Variants in TSEN2 observed in about 807,000 individuals in gnomAD.
TSEN2 encodes the protein tRNA splicing endonuclease subunit 2.
Under a neutral mutation model 59.2 loss-of-function variants are expected in TSEN2, and 54 were observed. The observed-to-expected ratio is 0.91, with a 90% confidence interval of 0.73 to 1.14. The LOEUF (loss-of-function observed/expected upper bound fraction) is 1.14, where lower values mean the gene tolerates loss of function less well. Ranked by LOEUF, TSEN2 falls within the 50% of genes most tolerant of loss-of-function variation. The pLI, the probability that TSEN2 is intolerant of heterozygous loss-of-function variation, is 0.00. For synonymous variants in TSEN2, 195 were observed against 198.2 expected (o/e 0.98, Z 0.14); for missense variants, 636 against 576.2 (o/e 1.10, Z -1.06).
chr3:12,499,982 A>T (rs887082146), intron 4 of TSEN2, among the ~76,000 whole-genome samples: 2 of 152,210 alleles, frequency 1.3e-5, no homozygotes, highest in Non-Finnish European at 2.9e-5. Flanking sequence ...TGCCCTGTGC[A>T]AATGGGAGAG....
intron 8 of TSEN2, among the ~76,000 whole-genome samples, chr3:12,521,277 A>G (rs1245513189): frequency 6.6e-6 from 1 of 152,224 alleles, no homozygotes; most frequent in Non-Finnish European, 1.5e-5. Flanking sequence ...AACAGGACAA[A>G]CAGAGCTGCC....
downstream of TSEN2, among the ~76,000 whole-genome samples, chr3:12,536,961 G>A (rs576711306): frequency 2.1e-4 from 32 of 151,358 alleles, no homozygotes; most frequent in Admixed American, 2.6e-4. Flanking sequence ...CTGAGAGCAC[G>A]TCACTGCACT....
At chr3:12,522,032 T>A in intron 8 of TSEN2, among the ~76,000 whole-genome samples, 1 of 152,024 alleles carries the variant, frequency 6.6e-6, no homozygotes, top group East Asian at 1.9e-4. Flanking sequence ...AAAATAAAAA[T>A]AAAAAATAAA....
intron 6 of TSEN2, among the ~76,000 whole-genome samples, chr3:12,510,101 T>C (rs2055275926): frequency 6.6e-6 from 1 of 152,248 alleles, no homozygotes; most frequent in Non-Finnish European, 1.5e-5. Flanking sequence ...TGTGGTAGCA[T>C]GCATTCTTTT....
intron 6 of TSEN2, among the ~76,000 whole-genome samples, chr3:12,508,795 G>A (rs888832993): frequency 3.3e-5 from 5 of 152,182 alleles, no homozygotes; most frequent in African/African-American, 1.2e-4. Flanking sequence ...GTCTCCATCC[G>A]TCTTCTGCAT....
chr3:12,532,640 T>C (rs2057536192), intron 11 of TSEN2, 22 bp from the exon 12 acceptor site: 3 of 1,611,988 alleles, frequency 1.9e-6, no homozygotes, highest in Non-Finnish European at 2.5e-6. Flanking sequence ...TAAGAAATGG[T>C]CTTTTTTTTT....
chr3:12,514,678 C>G (rs2055864190), intron 6 of TSEN2: 2 of 152,206 alleles, frequency 1.3e-5, no homozygotes, highest in South Asian at 4.2e-4. Context: ...TGTTGAGTAT[C>G]AGTTTAACAC....
chr3:12,538,882 C>G (rs1213955639), intron 10 of TSEN2: 3 of 260,750 alleles, frequency 1.2e-5, no homozygotes, highest in Middle Eastern at 1.5e-3. Flanking sequence ...TTTCTGAACT[C>G]TGCCTTTTCA....
Position 12,492,127 on chromosome 3 carries a change from T to TGGAAAATAA in TSEN2, c.190-9_190-8insGGAAAATAA. The TGGAAAATAA allele has an allele frequency of 6.2e-7, 1 of 1,613,104 alleles. No individual in the cohort carries two copies. The stretch of plus-strand genomic sequence containing the variant: ...CATGAACTAACTTCATTTTCTCTCT[T>TGGAAAATAA]CCTGGAAGGGTTATTTTGGAAAAGG... On this transcript the variant is annotated splice_polypyrimidine_tract_variant and intron_variant, in intron 2 of 11. Coordinates refer to ENST00000284995, the MANE Select transcript of TSEN2 (RefSeq NM_025265.4).
At chr3:12,522,896 T>C (rs911974879) in intron 8 of TSEN2, among the ~76,000 whole-genome samples, 1 of 152,188 alleles carries the variant, frequency 6.6e-6, no homozygotes, top group Non-Finnish European at 1.5e-5. Context: ...CACTCCCTAC[T>C]CAGCAGCTCC....
At chr3:12,503,123 ATATT>A (rs2054469259) in intron 4 of TSEN2, 135 bp from the exon 5 acceptor site, 1 of 907,876 alleles carries the variant, frequency 1.1e-6, no homozygotes, top group Non-Finnish European at 1.7e-6. Context: ...AAGAAGAAAA[ATATT>A]TATCTATAAT....
rs754957167 is a variant in TSEN2, at chr3:12,528,928, C to T, written c.1136+4C>T. The T allele has an allele frequency of 3.4e-5, 55 of 1,613,730 alleles. No individual in the cohort carries two copies. The highest frequency in any genetic ancestry group is 8.0e-5 in the African/African-American group (6 of 74,854). The stretch of plus-strand genomic sequence containing the variant: ...GCCCTCCATTTTACCATGCAAGGTT[C>T]GGAGTGATTTTTAAATAAACTAATG... On this transcript the variant is annotated splice_donor_region_variant and intron_variant, in intron 9 of 11. Transcript: ENST00000284995.
At chr3:12,488,192 G>A (rs902972870) in intron 1 of TSEN2, among the ~76,000 whole-genome samples, 1 of 152,180 alleles carries the variant, frequency 6.6e-6, no homozygotes, top group African/African-American at 2.4e-5. Context: ...CTTCTTGACT[G>A]TTTCAGGCTT....
intron 8 of TSEN2, among the ~76,000 whole-genome samples, chr3:12,523,526 C>CTTTGTTTTTTTTTTTTTTTT (rs2056821440): frequency 4.3e-5 from 2 of 46,480 alleles, no homozygotes; most frequent in Non-Finnish European, 8.7e-5. Context: ...CTCTTTGATT[C>CTTTGTTTTTTTTTTTTTTTT]TTTTTTTTTT....
chr3:12,516,445 T>C (rs1454974733), intron 6 of TSEN2, among the ~76,000 whole-genome samples, 166 bp from the exon 7 acceptor site: 6 of 25,976 alleles, frequency 2.3e-4, no homozygotes, highest in Admixed American at 1.7e-3. Context: ...AAACAAAATA[T>C]ATGTGTGTGT....
At chr3:12,482,520 GA>G (rs561205169), upstream of TSEN2, among the ~76,000 whole-genome samples, 16 of 151,964 alleles carry the variant, frequency 1.1e-4, 1 homozygote, top group Non-Finnish European at 1.9e-4. Flanking sequence ...AAGTCTTGGG[GA>G]AAATTTCTTT....
In TSEN2 at chr3:12,496,521, T is replaced by C. The variant is rs376481666; in HGVS notation, c.275T>C (p.Met92Thr). ...TAATAGAACTTCTTTGTTCCAGATA[T>C]GAAGACAAACATGCCTATCATCACA... ...DPKLVAKWKD[M>T]KTNMPIITSK... Residue 92 changes from methionine (M) to threonine (T), a missense_variant, in exon 4 of 12, where the codon ATG (methionine) becomes ACG (threonine). Met to Thr is a moderately conservative substitution (Grantham distance 81). Coordinates refer to ENST00000284995, the MANE Select transcript of TSEN2 (RefSeq NM_025265.4). The C allele has an allele frequency of 5.0e-6, 8 of 1,614,054 alleles. No homozygotes were observed. Among genetic ancestry groups the C allele is most frequent in the Non-Finnish European group, 6.8e-6 (8 of 1,180,038 alleles).
intron 1 of TSEN2, among the ~76,000 whole-genome samples, chr3:12,485,649 A>G (rs1408265325): frequency 2.0e-5 from 3 of 152,182 alleles, no homozygotes; most frequent in Non-Finnish European, 4.4e-5. Context: ...TGAGGAGTTA[A>G]GGGTAGGTAA....
chr3:12,522,170 C>G (rs2056699757), intron 8 of TSEN2, among the ~76,000 whole-genome samples: 1 of 152,078 alleles, frequency 6.6e-6, no homozygotes, highest in East Asian at 1.9e-4. Context: ...TTTTAATGAT[C>G]AAGTTATACT....
Sources: allele counts gnomAD v4.1 joint callset (sites outside exome capture counted in the v4.1 genomes callset), GRCh38; gene constraint gnomAD v4.1.1; transcripts MANE v1.5; gene names NCBI Gene and HGNC (gene_info 2026-07-23, HGNC 2026-07-21).